The following HLCS variants were observed in gnomAD, a reference collection of about 807,000 sequenced individuals.
HLCS encodes the protein holocarboxylase synthetase.
Under a neutral mutation model 75.0 loss-of-function variants are expected in HLCS, and 53 were observed. The ratio of observed to expected loss-of-function variants is 0.71; its 90% CI spans 0.57 to 0.89. The LOEUF is 0.89. Among genes scored for constraint, HLCS ranks in the 40% least tolerant of loss-of-function variants. The pLI is 0.00. For synonymous variants in HLCS, 431 were observed against 428.6 expected (o/e 1.01, Z -0.07); for missense variants, 966 against 1,074.0 (o/e 0.90, Z 1.41).
intron 6 of HLCS, among the ~76,000 whole-genome samples, chr21:36,793,189 C>T (rs1259726190): frequency 6.6e-6 from 1 of 152,026 alleles, no homozygotes; most frequent in Non-Finnish European, 1.5e-5. Context: ...GCCTTAGGTA[C>T]CGATTCATTT....
Position 36,966,534 on chromosome 21 carries a change from G to C in HLCS, c.105C>G (p.Ser35=). 2.0e-6 allele frequency: 2 copies of C among 998,962 alleles called. No individual in the cohort carries two copies. Among genetic ancestry groups the C allele is most frequent in the South Asian group, 4.4e-5 (1 of 22,554 alleles). The allele number at this position is 998,962 out of a possible 1,614,324, so 61.9% of individuals were successfully genotyped here. The stretch of plus-strand genomic sequence containing the variant: ...GCGCGGCCGCGCCGCAGAAGGTGAA[G>C]GAACAGCGCGAGGCACGCAGCCGCC... ...TVRRLRASRC[S]FTFCGAAAQP... is the part of the protein sequence containing the mutation. The change falls in exon 1 of 11, where the codon TCC becomes TCG. Residue 35 remains serine (S), a synonymous_variant. Transcript: ENST00000674895.
At chr21:36,889,349 C>G (rs377309614) in intron 6 of HLCS, among the ~76,000 whole-genome samples, 3 of 152,198 alleles carry the variant, frequency 2.0e-5, no homozygotes, top group Admixed American at 2.0e-4. Flanking sequence ...TGCGGTTTCA[C>G]GTCATTTCAC....
At chr21:36,930,524 A>T in intron 4 of HLCS, 91 bp from the exon 5 acceptor site, 2 of 1,094,636 alleles carry the variant, frequency 1.8e-6, no homozygotes, top group Non-Finnish European at 2.7e-6. Flanking sequence ...TTTTTTTTAA[A>T]TTTAGAGACA....
chr21:36,882,255 C>A (rs889310517), intron 6 of HLCS, among the ~76,000 whole-genome samples: 2 of 151,642 alleles, frequency 1.3e-5, no homozygotes, highest in African/African-American at 4.8e-5. Context: ...GCACTCCAGC[C>A]TGGGTGACAG....
chr21:36,869,142 T>A (rs1009068698), intron 6 of HLCS, among the ~76,000 whole-genome samples: 3 of 145,354 alleles, frequency 2.1e-5, no homozygotes, highest in African/African-American at 7.5e-5. Context: ...TTATTTATTT[T>A]GAGACAGAGT....
chr21:36,841,257 C>T (rs1197357481), intron 6 of HLCS, among the ~76,000 whole-genome samples: 1 of 152,158 alleles, frequency 6.6e-6, no homozygotes, highest in Non-Finnish European at 1.5e-5. Context: ...ATTCTTTTGG[C>T]TTTTCGGGGA....
At chr21:36,788,378 G>A (rs752028768) in intron 6 of HLCS, among the ~76,000 whole-genome samples, 3 of 152,130 alleles carry the variant, frequency 2.0e-5, no homozygotes, top group East Asian at 1.9e-4. Flanking sequence ...CTTCTCCATC[G>A]GAACTTAGGG....
chr21:36,935,890 A>G (rs892262794), intron 4 of HLCS, among the ~76,000 whole-genome samples: 1 of 152,186 alleles, frequency 6.6e-6, no homozygotes, highest in Admixed American at 6.5e-5. Context: ...TAGCTTCAAT[A>G]TTCTCTTATT....
intron 6 of HLCS, among the ~76,000 whole-genome samples, chr21:36,785,464 T>A (rs1000721031): frequency 6.6e-6 from 1 of 152,202 alleles, no homozygotes; most frequent in Admixed American, 6.5e-5. Context: ...TCTCTGCCTG[T>A]GGGGGCTGAC....
chr21:36,770,981 A>G (rs1296422408), intron 6 of HLCS, among the ~76,000 whole-genome samples: 1 of 152,142 alleles, frequency 6.6e-6, no homozygotes, highest in Non-Finnish European at 1.5e-5. Flanking sequence ...GCACTTTGCG[A>G]GGCCGAGGCA....
At chr21:36,770,727 C>T (rs762645986) in intron 6 of HLCS, among the ~76,000 whole-genome samples, 1 of 151,940 alleles carries the variant, frequency 6.6e-6, no homozygotes, top group South Asian at 2.1e-4. Flanking sequence ...GTTCATACCA[C>T]CACACCTGGC....
At chr21:36,819,204 G>A (rs2061752807) in intron 6 of HLCS, among the ~76,000 whole-genome samples, 2 of 152,186 alleles carry the variant, frequency 1.3e-5, no homozygotes, top group Admixed American at 1.3e-4. Context: ...ATTGCCACCT[G>A]GACTCAGGAC....
intron 4 of HLCS, 66 bp downstream of exon 4, chr21:36,936,383 A>T: frequency 7.4e-7 from 1 of 1,350,616 alleles, no homozygotes; most frequent in Non-Finnish European, 1.1e-6. Context: ...CCTTTAAAAG[A>T]CATATTCCCT....
chr21:36,821,999 G>A lies in HLCS; in HGVS notation c.1893-54714C>T, dbSNP rs187530693. 3.3e-3 allele frequency among the ~76,000 whole-genome samples: 507 copies of A among 152,256 alleles called. 2 individuals are homozygous for A. Among genetic ancestry groups the A allele is most frequent in the African/African-American group, 0.012 (478 of 41,522 alleles). On this transcript the variant is annotated intron_variant, in intron 6 of 10. Transcript: ENST00000674895. ...CAGGAGACATCAGGTGGCCTCTGATGGGAATAGGAGAGCTGCAGCCAGTCA... is the reference window on the plus strand; with the variant it reads ...CAGGAGACATCAGGTGGCCTCTGATAGGAATAGGAGAGCTGCAGCCAGTCA...
chr21:36,811,804 G>A (rs2061518423), intron 6 of HLCS, among the ~76,000 whole-genome samples: 1 of 152,152 alleles, frequency 6.6e-6, no homozygotes, highest in South Asian at 2.1e-4. Flanking sequence ...TATTGAACAC[G>A]ATGCCTGCAG....
At chr21:36,956,858 C>A (rs2032087) in intron 2 of HLCS, among the ~76,000 whole-genome samples, 58,864 of 151,666 alleles carry the variant, frequency 0.39, 12,045 homozygotes, top group South Asian at 0.5. Flanking sequence ...CAAGACCCAC[C>A]CTGGCCAACA....
At chr21:36,861,353 C>T (rs201080898) in intron 6 of HLCS, among the ~76,000 whole-genome samples, 1 of 152,202 alleles carries the variant, frequency 6.6e-6, no homozygotes, top group East Asian at 1.9e-4. Flanking sequence ...TATGGAAATA[C>T]TCTTTCACCA....
chr21:36,833,593 T>TTA (rs56412653), intron 6 of HLCS, among the ~76,000 whole-genome samples: 26,852 of 139,758 alleles, frequency 0.19, 2,630 homozygotes, highest in Middle Eastern at 0.21. Context: ...TAAAAAAAAA[T>TTA]TATATATATA....
intron 6 of HLCS, among the ~76,000 whole-genome samples, chr21:36,830,379 T>C (rs754090088): frequency 2.0e-5 from 3 of 152,210 alleles, no homozygotes; most frequent in Non-Finnish European, 4.4e-5. Flanking sequence ...ACGGGAGCAT[T>C]AAAAAGCTCT....
Sources: gnomAD v4.1 joint callset for allele counts (sites outside exome capture counted in the v4.1 genomes callset) on GRCh38, gnomAD v4.1.1 for gene constraint, MANE v1.5 for transcripts, NCBI Gene and HGNC (gene_info 2026-07-23, HGNC 2026-07-21) for gene names.